Variants in CCDC15 observed in about 807,000 individuals in gnomAD.
CCDC15 encodes the protein coiled-coil domain containing 15, also known as coiled-coil domain-containing protein 15.
In CCDC15, 105 loss-of-function variants were observed where a neutral mutation model predicts 114.5. The observed-to-expected ratio is 0.92, with a 90% CI of 0.78 to 1.08. The LOEUF is 1.08. Ranked by LOEUF, CCDC15 falls within the 50% of genes least tolerant of loss-of-function variation. CCDC15 has a pLI of 0.00. For missense variants in CCDC15, 1,105 were observed against 1,093.6 expected, an observed-to-expected ratio of 1.01 and a Z score of -0.15; for synonymous variants, 334 against 377.8, an observed-to-expected ratio of 0.88 and a Z score of 1.34.
chr11:125,013,684 T>G (rs1948611178), intron 13 of CCDC15, among the ~76,000 whole-genome samples: 2 of 152,194 alleles, frequency 1.3e-5, no homozygotes, highest in African/African-American at 4.8e-5. Context: ...ATAGGGAATG[T>G]TCAAAGAACA....
intron 11 of CCDC15, among the ~76,000 whole-genome samples, chr11:124,996,499 A>G (rs1285690952): frequency 6.6e-6 from 1 of 152,210 alleles, no homozygotes; most frequent in African/African-American, 2.4e-5. Context: ...CTTTATAAGC[A>G]TTTATACACA....
chr11:125,007,079 G>A lies in CCDC15; in HGVS notation c.2411+1867G>A, dbSNP rs186665664. ...GGATACCTGTCATCTCAAACATTAT[G>A]ATTTCTTTGGATTGGGAACATTTCA... On this transcript the variant is annotated intron_variant, in intron 13 of 15. Transcript: ENST00000344762. Among the ~76,000 whole-genome samples, 244 of 152,250 alleles carry A rather than the reference G, an allele frequency of 1.6e-3. 1 individual carries two copies. The highest frequency in any genetic ancestry group is 6.8e-3 in the Middle Eastern group (2 of 294).
intron 4 of CCDC15, among the ~76,000 whole-genome samples, chr11:124,964,266 G>A (rs889800519): frequency 2.0e-5 from 3 of 152,032 alleles, no homozygotes; most frequent in Non-Finnish European, 4.4e-5. Context: ...GATTCTTCCT[G>A]TCCATGAGCA....
At position 125,005,845 on chromosome 11, in the gene CCDC15, T is replaced by G. The variant is rs1285392009; in HGVS notation, c.2411+633T>G. Among the ~76,000 whole-genome samples the G allele has an allele frequency of 2.6e-5, 4 of 152,160 alleles. No individual in the cohort carries two copies. In the East Asian group the frequency reaches 5.8e-4, roughly 22 times the overall value. On this transcript the variant is annotated intron_variant, in intron 13 of 15. Transcript: ENST00000344762. Reference sequence around the variant, plus strand: ...ACCTTTTTAGATTGGCTTTTTATACTTAGAAATATGCATGTACGTTTCCTC... The same window carrying G: ...ACCTTTTTAGATTGGCTTTTTATACGTAGAAATATGCATGTACGTTTCCTC...
chr11:124,996,097 C>CT (rs931450054), intron 11 of CCDC15, among the ~76,000 whole-genome samples: 3 of 152,098 alleles, frequency 2.0e-5, no homozygotes, highest in Admixed American at 2.0e-4. Flanking sequence ...CCCAAAGGTG[C>CT]TGGGATTACA....
chr11:124,973,624 T>G (rs901632627), intron 4 of CCDC15, among the ~76,000 whole-genome samples: 31 of 151,896 alleles, frequency 2.0e-4, no homozygotes, highest in African/African-American at 6.8e-4. Flanking sequence ...AGCCATAAAA[T>G]TTATTTTATT....
intron 15 of CCDC15, 128 bp from the exon 16 acceptor site, chr11:125,040,462 A>T: frequency 1.2e-6 from 1 of 814,700 alleles, no homozygotes; most frequent in South Asian, 2.1e-5. Flanking sequence ...TAAGTACTGA[A>T]TAAATATTTA....
At chr11:124,989,959 T>A (rs1339947935) in intron 8 of CCDC15, among the ~76,000 whole-genome samples, 11 of 152,218 alleles carry the variant, frequency 7.2e-5, no homozygotes. Context: ...TGGAGTAGAT[T>A]TTAATTTCCT....
At chr11:125,011,331 G>A (rs868194178) in intron 13 of CCDC15, among the ~76,000 whole-genome samples, 10 of 151,320 alleles carry the variant, frequency 6.6e-5, no homozygotes, top group African/African-American at 2.2e-4. Flanking sequence ...TCCACCTCCC[G>A]AGTTCAAGCG....
intron 13 of CCDC15, among the ~76,000 whole-genome samples, chr11:125,011,236 A>ATTTTTTTT (rs1223910842): frequency 7.5e-6 from 1 of 133,622 alleles, no homozygotes; most frequent in African/African-American, 3.1e-5. Flanking sequence ...TATTATTATT[A>ATTTTTTTT]TTATTATTAT....
intron 9 of CCDC15, 33 bp downstream of exon 9, chr11:124,991,616 G>T (rs754086707): frequency 6.4e-7 from 1 of 1,552,120 alleles, no homozygotes; most frequent in Non-Finnish European, 8.7e-7. Context: ...AAACAGGAAG[G>T]AAGTACCCAG....
chr11:125,000,919 C>A (rs982631257), intron 11 of CCDC15, among the ~76,000 whole-genome samples: 1 of 152,098 alleles, frequency 6.6e-6, no homozygotes, highest in Non-Finnish European at 1.5e-5. Flanking sequence ...AATACATAAC[C>A]TTATTTTATA....
At position 124,986,691 on chromosome 11, in the gene CCDC15, T is replaced by TGTGTGTGTGTG. The variant is rs1555068459; in HGVS notation, c.754-51_754-50insGTGTGTGTGTG. The TGTGTGTGTGTG allele has an allele frequency of 1.5e-3, 1,821 of 1,219,878 alleles. 22 individuals are homozygous for TGTGTGTGTGTG. The highest frequency in any genetic ancestry group is 4.5e-3 in the African/African-American group (256 of 56,772). The allele number at this position is 1,219,878 out of a possible 1,614,324, so 75.6% of individuals were successfully genotyped here. On this transcript the variant is annotated intron_variant, in intron 6 of 15. Transcript: ENST00000344762. ...GCTGTGTGTGTGTGTGTGTGTGTGT[T>TGTGTGTGTGTG]TGTGTGTGTGCGCGCGCGCGCGTGC...
chr11:125,009,745 G>C (rs1288345760), intron 13 of CCDC15, among the ~76,000 whole-genome samples: 1 of 152,162 alleles, frequency 6.6e-6, no homozygotes, highest in Non-Finnish European at 1.5e-5. Context: ...ATAAGTGAGA[G>C]CATGCAGTAT....
At chr11:125,003,531 A>G (rs1274271999) in intron 11 of CCDC15, among the ~76,000 whole-genome samples, 1 of 151,968 alleles carries the variant, frequency 6.6e-6, no homozygotes, top group Non-Finnish European at 1.5e-5. Context: ...GAATCTGGCT[A>G]TTTATCCTAG....
chr11:125,037,052 G>T (rs749694484), intron 13 of CCDC15, among the ~76,000 whole-genome samples: 1 of 152,070 alleles, frequency 6.6e-6, no homozygotes, highest in Non-Finnish European at 1.5e-5. Flanking sequence ...TGGAGTCTGG[G>T]CTTTTTTTCT....
intron 4 of CCDC15, 58 bp downstream of exon 4, chr11:124,960,061 T>C: frequency 7.5e-7 from 1 of 1,327,872 alleles, no homozygotes; most frequent in Non-Finnish European, 1.0e-6. Context: ...CCCTAAACTA[T>C]AAATATGACA....
At chr11:125,031,899 T>C (rs1948741657) in intron 13 of CCDC15, among the ~76,000 whole-genome samples, 1 of 152,202 alleles carries the variant, frequency 6.6e-6, no homozygotes, top group Admixed American at 6.5e-5. Context: ...GAGGAATGTG[T>C]CGACAACAAA....
rs764710918 is a variant in CCDC15 at position 124,975,136 on chromosome 11, C to G, written c.557C>G (p.Ser186Cys). 1.3e-6 allele frequency: 2 copies of G among 1,598,942 alleles called. No individual in the cohort carries two copies. The highest frequency in any genetic ancestry group is 1.7e-6 in the Non-Finnish European group (2 of 1,173,840). ...AAACAGGCACGTCACCGGCTAGCATCCTTTAAAACCGTGATTAAAAAAAAG... is the reference window on the plus strand; with the variant it reads ...AAACAGGCACGTCACCGGCTAGCATGCTTTAAAACCGTGATTAAAAAAAAG... Reference protein sequence around the residue: ...TMKQARHRLASFKTVIKKKGS... With the variant: ...TMKQARHRLACFKTVIKKKGS... The change falls in exon 5 of 16, where the codon TCC (serine) becomes TGC (cysteine). Residue 186 changes from serine to cysteine, a missense_variant. Transcript: ENST00000344762.
Sources: gnomAD v4.1 joint callset for allele counts (sites outside exome capture counted in the v4.1 genomes callset) on GRCh38, gnomAD v4.1.1 for gene constraint, MANE v1.5 for transcripts, NCBI Gene and HGNC (gene_info 2026-07-23, HGNC 2026-07-21) for gene names.